The following ST7 variants were observed in gnomAD, a reference collection of about 807,000 sequenced individuals.
ST7 encodes suppressor of tumorigenicity 7 protein.
Under a neutral mutation model 78.7 loss-of-function variants are expected in ST7, and 28 were observed. The observed-to-expected ratio is 0.36, with a 90% confidence interval of 0.26 to 0.49. The LOEUF (loss-of-function observed/expected upper bound fraction) is 0.49. Ranked by LOEUF, ST7 falls within the 20% of genes least tolerant of loss-of-function variation. ST7 has a pLI of 0.99. For missense variants in ST7, 418 were observed against 696.0 expected (o/e 0.60, Z 4.49); for synonymous variants, 247 against 249.6 (o/e 0.99, Z 0.10).
chr7:117,218,940 T>A, intron 13 of ST7, 144 bp from the exon 14 acceptor site: 1 of 623,368 alleles, frequency 1.6e-6, no homozygotes, highest in East Asian at 2.7e-5. Context: ...TGACATTTCA[T>A]CTGGCACATA....
chr7:117,208,572 G>A (rs539635377), intron 12 of ST7, among the ~76,000 whole-genome samples: 1 of 152,200 alleles, frequency 6.6e-6, no homozygotes, highest in East Asian at 1.9e-4. Context: ...CACCAACCGT[G>A]CCAATGGGAG....
chr7:117,158,735 A>T (rs1806898175), intron 9 of ST7, among the ~76,000 whole-genome samples: 1 of 152,062 alleles, frequency 6.6e-6, no homozygotes, highest in Non-Finnish European at 1.5e-5. Context: ...GCCTCTGAGG[A>T]CTCTGGTAAA....
At position 117,098,857 on chromosome 7, in the gene ST7, A is replaced by T. The variant is rs976922979; in HGVS notation, c.152-905A>T. The T allele has an allele frequency of 3.9e-6, 5 of 1,291,088 alleles. No individual in the cohort carries two copies. In the African/African-American group the frequency reaches 6.1e-5, roughly 16 times the overall value. The allele number at this position is 1,291,088 out of a possible 1,614,324, so 80.0% of individuals were successfully genotyped here. ...TTTGATAATAATAAAAGTTTTGTGTAGTATCTAGATATAAATAACAATGAC... is the reference window on the plus strand; with the variant it reads ...TTTGATAATAATAAAAGTTTTGTGTTGTATCTAGATATAAATAACAATGAC... On this transcript the variant is annotated intron_variant, in intron 1 of 15. Coordinates refer to ENST00000323984, the MANE Select transcript of ST7 (RefSeq NM_001369598.1).
chr7:117,222,177 T>A, intron 15 of ST7, 115 bp downstream of exon 15: 1 of 1,169,372 alleles, frequency 8.6e-7, no homozygotes, highest in African/African-American at 1.6e-5. Context: ...CCTGCAAAGA[T>A]CATTGCTCAC....
At chr7:116,971,255 A>C (rs1177474666) in intron 1 of ST7, among the ~76,000 whole-genome samples, 3 of 152,238 alleles carry the variant, frequency 2.0e-5, no homozygotes, top group Non-Finnish European at 2.9e-5. Context: ...AGATTTCTGC[A>C]GCACTGACTG....
intron 1 of ST7, among the ~76,000 whole-genome samples, chr7:116,988,577 G>T (rs1794285220): frequency 6.6e-6 from 1 of 151,842 alleles, no homozygotes; most frequent in Non-Finnish European, 1.5e-5. Context: ...TCACTAGAGG[G>T]CACTCTTTAA....
intron 6 of ST7, among the ~76,000 whole-genome samples, chr7:117,133,732 C>A (rs1286856771): frequency 6.6e-6 from 1 of 151,698 alleles, no homozygotes; most frequent in Non-Finnish European, 1.5e-5. Flanking sequence ...GGAATTGTAG[C>A]TCTCCTGACA....
chr7:117,084,678 A>T (rs934331265), intron 1 of ST7, among the ~76,000 whole-genome samples: 2 of 152,226 alleles, frequency 1.3e-5, no homozygotes, highest in Non-Finnish European at 2.9e-5. Context: ...TAAAGCATTT[A>T]GCCCATTGCT....
chr7:117,218,362 C>T (rs1041540667), intron 13 of ST7, among the ~76,000 whole-genome samples: 2 of 152,140 alleles, frequency 1.3e-5, no homozygotes, highest in African/African-American at 4.8e-5. Context: ...GAGAGTAACA[C>T]ACTTGATCAT....
At chr7:117,132,717 G>T (rs1584432215) in intron 6 of ST7, among the ~76,000 whole-genome samples, 1 of 150,582 alleles carries the variant, frequency 6.6e-6, no homozygotes, top group Admixed American at 6.6e-5. Flanking sequence ...TGAAAATCCT[G>T]CCATTGTAAC....
At chr7:117,125,216 A>G (rs1231076961) in intron 3 of ST7, among the ~76,000 whole-genome samples, 2 of 152,138 alleles carry the variant, frequency 1.3e-5, no homozygotes, top group East Asian at 1.9e-4. Flanking sequence ...GCTAGTGAAC[A>G]CTTACTTAGT....
intron 12 of ST7, among the ~76,000 whole-genome samples, chr7:117,194,439 C>T (rs1402335190): frequency 6.6e-6 from 1 of 152,182 alleles, no homozygotes; most frequent in Non-Finnish European, 1.5e-5. Context: ...CATTAGGAAG[C>T]TTGTTCTTCT....
chr7:117,015,340 G>C (rs1389647118), intron 1 of ST7, among the ~76,000 whole-genome samples: 1 of 152,156 alleles, frequency 6.6e-6, no homozygotes, highest in African/African-American at 2.4e-5. Context: ...TCTGAGTTCA[G>C]ATTATTCCAC....
At chr7:116,973,388 G>T (rs1274359974) in intron 1 of ST7, among the ~76,000 whole-genome samples, 5 of 152,160 alleles carry the variant, frequency 3.3e-5, no homozygotes, top group Non-Finnish European at 5.9e-5. Context: ...CTCCCGAGTA[G>T]CTGGGACTAC....
chr7:117,198,924 C>G (rs1391329011), intron 12 of ST7: 4 of 152,454 alleles, frequency 2.6e-5, no homozygotes, highest in African/African-American at 9.7e-5. Flanking sequence ...GCTACATTAA[C>G]AGTCCCTAAT....
At chr7:117,048,512 T>C (rs1433376180) in intron 1 of ST7, among the ~76,000 whole-genome samples, 1 of 152,202 alleles carries the variant, frequency 6.6e-6, no homozygotes, top group African/African-American at 2.4e-5. Context: ...CTTTATCCAG[T>C]TGCCTTCTGT....
rs1182376686 is a variant in ST7, at chr7:117,062,412, C to T, written c.152-37350C>T. Among the ~76,000 whole-genome samples the T allele has an allele frequency of 3.3e-5, 5 of 152,180 alleles. No homozygotes were observed. In the East Asian group the frequency reaches 9.6e-4, roughly 29 times the overall value. On this transcript the variant is annotated intron_variant, in intron 1 of 15. Transcript: ENST00000323984. ...TCATTCTAATTGTAGCACATGTGCT[C>T]TCATGGAGATCAGAGTCAGTATTGT...
At chr7:117,095,935 G>A (rs184698963) in intron 1 of ST7, among the ~76,000 whole-genome samples, 94 of 151,952 alleles carry the variant, frequency 6.2e-4, no homozygotes, top group Middle Eastern at 3.4e-3. Context: ...AGGTGTGGTG[G>A]CAGGTGCCTG....
intron 2 of ST7, among the ~76,000 whole-genome samples, chr7:117,117,374 G>A (rs1157186602): frequency 1.3e-5 from 2 of 152,104 alleles, no homozygotes; most frequent in Admixed American, 6.6e-5. Flanking sequence ...CTGGAGCACC[G>A]CTTGTGATTG....
Sources: gnomAD v4.1 joint callset for allele counts (sites outside exome capture counted in the v4.1 genomes callset) on GRCh38, gnomAD v4.1.1 for gene constraint, MANE v1.5 for transcripts, NCBI Gene and HGNC (gene_info 2026-07-23, HGNC 2026-07-21) for gene names.